CD33: variants seen among roughly 807,000 people sequenced by gnomAD.
CD33 encodes myeloid cell surface antigen CD33.
Under a neutral mutation model 31.4 loss-of-function variants are expected in CD33, and 25 were observed. The observed-to-expected ratio is 0.80, with a 90% CI of 0.58 to 1.11. The LOEUF (loss-of-function observed/expected upper bound fraction) is 1.11, where lower values mean the gene tolerates loss of function less well. CD33 is among the 50% of genes most tolerant of loss of function. The probability of loss-of-function intolerance (pLI) is 0.00; values close to 1 mark genes in which losing one functional copy is unlikely to be tolerated. For synonymous variants in CD33, 176 were observed against 180.6 expected, an observed-to-expected ratio of 0.97 and a Z score of 0.20; for missense variants, 407 against 448.1, an observed-to-expected ratio of 0.91 and a Z score of 0.83.
the CD33 span, among the ~76,000 whole-genome samples, chr19:51,217,048 C>T: frequency 6.6e-6 from 1 of 152,196 alleles, no homozygotes; most frequent in Non-Finnish European, 1.5e-5. Context: ...CTGCAGACCA[C>T]CTGGTGCCCT....
At chr19:51,230,349 G>C (rs1835093875) in intron 4 of CD33, among the ~76,000 whole-genome samples, 1 of 152,164 alleles carries the variant, frequency 6.6e-6, no homozygotes, top group Non-Finnish European at 1.5e-5. Flanking sequence ...GCTGTCGGTT[G>C]AAATGTTCTG....
upstream of CD33, among the ~76,000 whole-genome samples, chr19:51,222,259 G>A (rs1380903207): frequency 6.6e-6 from 1 of 152,212 alleles, no homozygotes; most frequent in African/African-American, 2.4e-5. Context: ...GTCGACAAGG[G>A]TGTGGAGCTA....
rs1205093946 is a variant in CD33, at chr19:51,239,732, T to C, written c.*44T>C. ...AGGCTCAGCTAGAAGATCCACATCCTCTACAGGTCGGGGACCAAAGGCTGA... is the reference window on the plus strand; with the variant it reads ...AGGCTCAGCTAGAAGATCCACATCCCCTACAGGTCGGGGACCAAAGGCTGA... On this transcript the variant is annotated 3_prime_UTR_variant, in exon 7 of 7. Transcript: ENST00000262262. The C allele has an allele frequency of 6.5e-7, 1 of 1,536,608 alleles. No homozygotes were observed. The highest frequency in any genetic ancestry group is 8.8e-7 in the Non-Finnish European group (1 of 1,133,016).
Position 51,225,134 on chromosome 19 carries a change from C to T in CD33, c.16C>T (p.Leu6=), listed in dbSNP as rs774153490. The T allele has an allele frequency of 3.1e-5, 50 of 1,613,912 alleles. No homozygotes were observed. Among genetic ancestry groups the T allele is most frequent in the Non-Finnish European group, 4.0e-5 (47 of 1,180,022 alleles). Residue 6 remains leucine, a synonymous_variant, in exon 1 of 7, where the codon CTG becomes TTG. Transcript: ENST00000262262. ...TTCCTCAGACATGCCGCTGCTGCTA[C>T]TGCTGCCCCTGCTGTGGGCAGGTGA... MPLLL[L]LPLLWAGALA...
the CD33 span, among the ~76,000 whole-genome samples, chr19:51,213,770 A>G: frequency 3.7e-3 from 568 of 151,610 alleles, 5 homozygotes; most frequent in African/African-American, 0.013. Context: ...TCCTGACCTC[A>G]AGTAATCTGC....
At chr19:51,226,795 T>C (rs1243944450) in intron 4 of CD33, among the ~76,000 whole-genome samples, 1 of 151,896 alleles carries the variant, frequency 6.6e-6, no homozygotes, top group Non-Finnish European at 1.5e-5. Flanking sequence ...CCTACAGTGG[T>C]ATAGAACACC....
rs558355555 is a variant in CD33, at chr19:51,235,087, T to A, written c.746-70T>A. 1.2e-5 allele frequency: 15 copies of A among 1,272,942 alleles called. No homozygotes were observed. The African/African-American group carries it at 1.3e-4, about 11-fold the overall frequency. 78.9% of individuals were successfully genotyped at this position (1,272,942 alleles called of 1,614,324 possible). A position where few individuals can be genotyped will look rare whatever the true frequency, so the allele number is the denominator to read the frequency against. On this transcript the variant is annotated intron_variant, in intron 4 of 6. Coordinates refer to ENST00000262262, the MANE Select transcript of CD33 (RefSeq NM_001772.4). ...GGAGGTGAAGTCACCCCTCTCTACA[T>A]GCTGGAGAGGAGGATACACATACCT...
In CD33 at chr19:51,225,975, C is replaced by G; in HGVS notation, c.591C>G (p.Leu197=). Reference sequence around the variant, plus strand: ...CCAGGACTACTCACTCCTCGGTGCTCATAATCACCCCACGGCCCCAGGACC... The same window carrying G: ...CCAGGACTACTCACTCCTCGGTGCTGATAATCACCCCACGGCCCCAGGACC... The part of the protein sequence containing the change: ...LGPRTTHSSV[L]IITPRPQDHG... Residue 197 remains leucine (L), a synonymous_variant, in exon 3 of 7, where the codon CTC becomes CTG. Transcript: ENST00000262262. The G allele has an allele frequency of 2.5e-6, 4 of 1,614,120 alleles. No homozygotes were observed. Among genetic ancestry groups the G allele is most frequent in the Non-Finnish European group, 3.4e-6 (4 of 1,180,016 alleles).
Position 51,239,526 on chromosome 19 carries a change from G to A in CD33, c.933G>A (p.Gln311=). 1 of 1,604,040 alleles carries A rather than the reference G, an allele frequency of 6.2e-7. No individual in the cohort carries two copies. Among genetic ancestry groups the A allele is most frequent in the African/African-American group, 1.3e-5 (1 of 74,660 alleles). ...TCTTTCCTCTCCATAAGAAACACCAGAAGAAGTCCAAGTTACATGGCCCCA... is the reference window on the plus strand; with the variant it reads ...TCTTTCCTCTCCATAAGAAACACCAAAAGAAGTCCAAGTTACATGGCCCCA... The part of the protein sequence containing the change: ...PTTGSASPKH[Q]KKSKLHGPTE... Residue 311 remains glutamine, a synonymous_variant, in exon 7 of 7, where the codon CAG becomes CAA. Transcript: ENST00000262262.
chr19:51,214,201 CT>C, the CD33 span, among the ~76,000 whole-genome samples: 6,123 of 97,994 alleles, frequency 0.062, 418 homozygotes, highest in African/African-American at 0.2. Flanking sequence ...TCTTTTCTTT[CT>C]TTTTTTTTTT....
At chr19:51,225,048 G>A, upstream of CD33, 1 of 1,590,682 alleles carries the variant, frequency 6.3e-7, no homozygotes, top group Non-Finnish European at 8.6e-7. Flanking sequence ...GTCCGGCCCT[G>A]TAGTCCTTCC....
chr19:51,214,862 T>C, the CD33 span, among the ~76,000 whole-genome samples: 1 of 152,374 alleles, frequency 6.6e-6, no homozygotes, highest in Admixed American at 6.5e-5. Context: ...ATCATTTCTC[T>C]ACCCAACCAT....
Position 51,225,847 on chromosome 19 carries a change from CCCGG to C in CD33, c.466_469del (p.Gly156ThrfsTer5), listed in dbSNP as rs201074739. On this transcript the variant is annotated frameshift_variant, in exon 3 of 7. Coordinates refer to ENST00000262262, the MANE Select transcript of CD33 (RefSeq NM_001772.4). LOFTEE classifies it high-confidence loss of function. ...AATCCTCATCCCTGGCACTCTAGAACCCGGCCACTCCAAAAACCTGACCTGCTCT... is the reference window on the plus strand; with the variant it reads ...AATCCTCATCCCTGGCACTCTAGAACCCACTCCAAAAACCTGACCTGCTCT... 0.024 allele frequency: 38,263 copies of C among 1,613,994 alleles called. 576 individuals are homozygous for C. The highest frequency in any genetic ancestry group is 0.03 in the Non-Finnish European group (35,104 of 1,179,954).
chr19:51,236,133 G>A (rs1981789311), intron 6 of CD33: 2 of 411,106 alleles, frequency 4.9e-6, no homozygotes, highest in East Asian at 1.0e-4. Context: ...ACTCCAGCCT[G>A]GGTGACAGAG....
At chr19:51,214,438 T>C in the CD33 span, among the ~76,000 whole-genome samples, 2 of 149,336 alleles carry the variant, frequency 1.3e-5, no homozygotes, top group East Asian at 4.1e-4. Flanking sequence ...CCTCGTGATC[T>C]GCCCACCTTG....
At chr19:51,221,538 A>G (rs1428275780), upstream of CD33, among the ~76,000 whole-genome samples, 1 of 152,274 alleles carries the variant, frequency 6.6e-6, no homozygotes, top group Non-Finnish European at 1.5e-5. Context: ...ATTCACACAT[A>G]ACTCCTGGTG....
chr19:51,225,204 T>C lies in CD33; in HGVS notation c.38-14T>C. On this transcript the variant is annotated splice_polypyrimidine_tract_variant and intron_variant, in intron 1 of 6. Coordinates refer to ENST00000262262, the MANE Select transcript of CD33 (RefSeq NM_001772.4). ...TTGTCGGGCTGGGCCGAGCTGACCC[T>C]CGTTTCCCCACAGGGGCCCTGGCTA... 1 of 1,613,266 alleles carries C rather than the reference T, an allele frequency of 6.2e-7. No individual in the cohort carries two copies. The highest frequency in any genetic ancestry group is 8.5e-7 in the Non-Finnish European group (1 of 1,179,490).
upstream of CD33, among the ~76,000 whole-genome samples, chr19:51,220,200 G>T (rs1200213993): frequency 3.3e-5 from 5 of 152,230 alleles, no homozygotes; most frequent in East Asian, 9.6e-4. Flanking sequence ...TTATTGGTCT[G>T]TTCAGCATTT....
intron 4 of CD33, among the ~76,000 whole-genome samples, chr19:51,230,719 C>T (rs187388451): frequency 7.6e-4 from 115 of 152,244 alleles, no homozygotes; most frequent in Non-Finnish European, 1.3e-3. Flanking sequence ...TATCTTTTTC[C>T]ATCTCTTCCT....
Sources: allele counts gnomAD v4.1 joint callset (sites outside exome capture counted in the v4.1 genomes callset), GRCh38; gene constraint gnomAD v4.1.1; transcripts MANE v1.5; gene names NCBI Gene and HGNC (gene_info 2026-07-23, HGNC 2026-07-21).